Variants in ZNF521 observed in about 807,000 individuals in gnomAD.
The protein encoded by ZNF521 is zinc finger protein 521.
In ZNF521, 14 loss-of-function variants were observed where a neutral mutation model predicts 105.5. The observed-to-expected ratio is 0.13, with a 90% confidence interval of 0.09 to 0.21. The LOEUF is 0.21. ZNF521 is among the 10% of genes least tolerant of loss of function. ZNF521 has a pLI of 1.00. For synonymous variants in ZNF521, 635 were observed against 606.0 expected, an observed-to-expected ratio of 1.05 and a Z score of -0.70; for missense variants, 1,233 against 1,629.7, an observed-to-expected ratio of 0.76 and a Z score of 4.19.
At chr18:25,073,192 C>G (rs1394568067) in intron 7 of ZNF521, among the ~76,000 whole-genome samples, 1 of 152,040 alleles carries the variant, frequency 6.6e-6, no homozygotes, top group African/African-American at 2.4e-5. Context: ...CAAACTTCTG[C>G]TAAATATTTA....
intron 5 of ZNF521, among the ~76,000 whole-genome samples, chr18:25,176,676 G>A (rs1319566631): frequency 2.0e-5 from 3 of 152,192 alleles, no homozygotes; most frequent in Admixed American, 1.3e-4. Flanking sequence ...ACTAGGAGAG[G>A]CAGGCAAACA....
chr18:25,159,512 A>G (rs1454749619), intron 5 of ZNF521, among the ~76,000 whole-genome samples: 2 of 119,350 alleles, frequency 1.7e-5, no homozygotes, highest in African/African-American at 3.2e-5. Context: ...ACTAACACTA[A>G]CAAAAAAAAA....
At position 25,174,426 on chromosome 18, in the gene ZNF521, C is replaced by T. The variant is rs45456296; in HGVS notation, c.3658+20734G>A. 2.9e-3 allele frequency among the ~76,000 whole-genome samples: 449 copies of T among 152,268 alleles called. 3 individuals are homozygous for T. Among genetic ancestry groups the T allele is most frequent in the Non-Finnish European group, 5.0e-3 (339 of 68,036 alleles). On this transcript the variant is annotated intron_variant, in intron 5 of 7. Coordinates refer to ENST00000361524, the MANE Select transcript of ZNF521 (RefSeq NM_015461.3). ...CTCCATTCCACGTGAACATTAGTCT[C>T]TACTCATAAGGGGACCCAGGATTCA...
At chr18:25,307,143 G>C (rs899333607) in intron 3 of ZNF521, among the ~76,000 whole-genome samples, 1 of 152,080 alleles carries the variant, frequency 6.6e-6, no homozygotes, top group Non-Finnish European at 1.5e-5. Flanking sequence ...TCTACCCTAT[G>C]ACCACTGCAC....
At chr18:25,154,556 C>T (rs1012447743) in intron 5 of ZNF521, among the ~76,000 whole-genome samples, 2 of 152,148 alleles carry the variant, frequency 1.3e-5, no homozygotes, top group Non-Finnish European at 2.9e-5. Flanking sequence ...GAGGTACCAA[C>T]CTCATCCCAA....
intron 3 of ZNF521, among the ~76,000 whole-genome samples, chr18:25,286,662 A>T (rs8089299): frequency 0.18 from 26,695 of 152,120 alleles, 3,174 homozygotes; most frequent in African/African-American, 0.34. Flanking sequence ...CTATTTTTTC[A>T]TTTCTTGAAA....
intron 3 of ZNF521, among the ~76,000 whole-genome samples, chr18:25,259,319 T>C (rs1207993640): frequency 3.3e-5 from 5 of 152,192 alleles, no homozygotes; most frequent in African/African-American, 1.2e-4. Context: ...GGATTTGTAA[T>C]TTAGCAGAAA....
intron 5 of ZNF521, among the ~76,000 whole-genome samples, chr18:25,108,856 C>CTCAAG (rs1303444158): frequency 1.3e-5 from 2 of 152,146 alleles, no homozygotes; most frequent in Admixed American, 1.3e-4. Flanking sequence ...AACTCCTGAC[C>CTCAAG]TCAAGTGATC....
intron 3 of ZNF521, chr18:25,301,980 G>A (rs1342700210): frequency 6.6e-6 from 1 of 152,140 alleles, no homozygotes; most frequent in Non-Finnish European, 1.5e-5. Context: ...TGGACTTGGA[G>A]TCAGAAGTTC....
chr18:25,275,859 C>A (rs1001879543), intron 3 of ZNF521, among the ~76,000 whole-genome samples: 2 of 152,076 alleles, frequency 1.3e-5, no homozygotes, highest in Non-Finnish European at 2.9e-5. Flanking sequence ...CACCAGCATA[C>A]GCAGTGATCC....
At chr18:25,257,840 C>T (rs1057096681) in intron 3 of ZNF521, among the ~76,000 whole-genome samples, 8 of 152,218 alleles carry the variant, frequency 5.3e-5, no homozygotes, top group Middle Eastern at 3.4e-3. Context: ...CCCATTATAA[C>T]GGGTGAAGCT....
chr18:25,148,626 C>A lies in ZNF521; in HGVS notation c.3658+46534G>T, dbSNP rs948369400. Among the ~76,000 whole-genome samples, 3 of 152,146 alleles carry A rather than the reference C, an allele frequency of 2.0e-5. No individual in the cohort carries two copies. The East Asian group carries it at 5.8e-4, about 29-fold the overall frequency. ...TCAGTTTATTTCCAGATACCCTGAA[C>A]CTGTACTAGCAAAGGGAGGTCTACC... On this transcript the variant is annotated intron_variant, in intron 5 of 7. Coordinates refer to ENST00000361524, the MANE Select transcript of ZNF521 (RefSeq NM_015461.3).
In ZNF521 at chr18:25,225,391, C is replaced by T; in HGVS notation, c.2527G>A (p.Gly843Arg). ...ACTTGCTCGGAAGCTCCATTTGTTC[C>T]ACAGTTGGGTGTCTTGGTTTCGAAT... ...CVFETKTPNC[G>R]TNGASEQVQK... Residue 843 changes from glycine (G) to arginine (R), a missense_variant, in exon 4 of 8, where the codon GGA becomes AGA. Gly to Arg is a moderately radical substitution (Grantham distance 125). Around this residue, in one of 6 missense-constraint regions of ZNF521, gnomAD observed 614 missense variants for 751.5 expected, o/e 0.82. Coordinates refer to ENST00000361524, the MANE Select transcript of ZNF521 (RefSeq NM_015461.3). This position sits in a 1 kb window ranked among gnomAD's most constrained non-coding sequence, Gnocchi z 5.6. The T allele has an allele frequency of 6.2e-7, 1 of 1,614,148 alleles. No homozygotes were observed. The highest frequency in any genetic ancestry group is 8.5e-7 in the Non-Finnish European group (1 of 1,180,036).
Position 25,225,421 on chromosome 18 carries a change from A to T in ZNF521, c.2497T>A (p.Cys833Ser). The change falls in exon 4 of 8, where the codon TGT becomes AGT. Residue 833 changes from cysteine to serine, a missense_variant. Coordinates refer to ENST00000361524, the MANE Select transcript of ZNF521 (RefSeq NM_015461.3). This position sits in a 1 kb window ranked among gnomAD's most constrained non-coding sequence, Gnocchi z 5.6. ...TTGGGTGTCTTGGTTTCGAATACACAGTGTTTTTCTCGCAAGTGTTTTTCT... is the reference window on the plus strand; with the variant it reads ...TTGGGTGTCTTGGTTTCGAATACACTGTGTTTTTCTCGCAAGTGTTTTTCT... ...LLEKHLREKH[C>S]VFETKTPNCG... 2 of 1,614,176 alleles carry T rather than the reference A, an allele frequency of 1.2e-6. No homozygotes were observed. Among genetic ancestry groups the T allele is most frequent in the Non-Finnish European group, 1.7e-6 (2 of 1,180,032 alleles).
intron 3 of ZNF521, among the ~76,000 whole-genome samples, chr18:25,283,803 C>A (rs1910523778): frequency 6.6e-6 from 1 of 152,004 alleles, no homozygotes; most frequent in Non-Finnish European, 1.5e-5. Flanking sequence ...TGCCAAATTC[C>A]AAAAGAGTTG....
intron 5 of ZNF521, among the ~76,000 whole-genome samples, chr18:25,146,297 A>T (rs987092434): frequency 6.6e-6 from 1 of 152,180 alleles, no homozygotes; most frequent in Non-Finnish European, 1.5e-5. Context: ...CTTAATTCTC[A>T]TAATTGTCAT....
intron 5 of ZNF521, among the ~76,000 whole-genome samples, chr18:25,152,720 C>T (rs2035072438): frequency 6.6e-6 from 1 of 152,190 alleles, no homozygotes; most frequent in Non-Finnish European, 1.5e-5. Flanking sequence ...TGACTACATA[C>T]ATCTTGAAGT....
chr18:25,104,039 A>C (rs531909128), intron 5 of ZNF521, among the ~76,000 whole-genome samples: 1 of 152,200 alleles, frequency 6.6e-6, no homozygotes, highest in African/African-American at 2.4e-5. Flanking sequence ...AGAATGAGAC[A>C]TAATAGTTAT....
intron 3 of ZNF521, among the ~76,000 whole-genome samples, chr18:25,290,327 A>G (rs1464871707): frequency 6.6e-6 from 1 of 152,196 alleles, no homozygotes; most frequent in African/African-American, 2.4e-5. Context: ...AATTGATCTA[A>G]GGGTTAATAT....
Sources: allele counts gnomAD v4.1 joint callset (sites outside exome capture counted in the v4.1 genomes callset), GRCh38; gene constraint gnomAD v4.1.1; regional missense constraint gnomAD v4.1.1; non-coding constraint Gnocchi (gnomAD v3.1); transcripts MANE v1.5; gene names NCBI Gene and HGNC (gene_info 2026-07-23, HGNC 2026-07-21).